The following USH2A variants were observed in gnomAD, a reference collection of about 807,000 sequenced individuals.
USH2A encodes the protein usherin.
USH2A carries 443 observed loss-of-function variants against 538.9 expected under a neutral mutation model. That is an observed-to-expected ratio of 0.82 (90% CI 0.76 to 0.89). The LOEUF (loss-of-function observed/expected upper bound fraction) is 0.89. USH2A is among the 40% of genes least tolerant of loss of function. The probability of loss-of-function intolerance (pLI) is 0.00; values close to 1 mark genes in which losing one functional copy is unlikely to be tolerated. For missense variants in USH2A, 6,633 were observed against 6,324.8 expected, an observed-to-expected ratio of 1.05 and a Z score of -1.65; for synonymous variants, 2,413 against 2,273.5, an observed-to-expected ratio of 1.06 and a Z score of -1.75.
chr1:215,684,865 A>C (rs73097910), intron 61 of USH2A, among the ~76,000 whole-genome samples: 4,646 of 150,882 alleles, frequency 0.031, 241 homozygotes, highest in African/African-American at 0.11. Context: ...AATACCAAGA[A>C]CCAGAGAATA....
intron 30 of USH2A, among the ~76,000 whole-genome samples, chr1:216,062,976 T>G (rs1215245006): frequency 6.6e-6 from 1 of 152,202 alleles, no homozygotes; most frequent in African/African-American, 2.4e-5. Context: ...CTACGCTAAC[T>G]AATAAAGCGA....
intron 43 of USH2A, among the ~76,000 whole-genome samples, chr1:215,875,546 A>C (rs1265124665): frequency 2.0e-5 from 3 of 152,096 alleles, no homozygotes; most frequent in Non-Finnish European, 1.5e-5. Flanking sequence ...TGAACTTCTC[A>C]TTAAGAATCC....
At chr1:215,796,740 G>A (rs1322479436) in intron 50 of USH2A, among the ~76,000 whole-genome samples, 5 of 152,180 alleles carry the variant, frequency 3.3e-5, no homozygotes, top group African/African-American at 1.2e-4. Context: ...GAATGATTAA[G>A]CTTATTGAGG....
chr1:215,774,914 T>C (rs1661417201), intron 55 of USH2A, among the ~76,000 whole-genome samples: 2 of 152,006 alleles, frequency 1.3e-5, no homozygotes, highest in African/African-American at 2.4e-5. Context: ...TTTCTTTTTT[T>C]TTTTTACTTT....
chr1:215,945,814 G>T (rs987974239), intron 37 of USH2A, among the ~76,000 whole-genome samples: 2 of 152,054 alleles, frequency 1.3e-5, no homozygotes, highest in Admixed American at 6.6e-5. Context: ...CAAATATCGA[G>T]ATTGATTGTC....
chr1:216,219,194 C>T (rs560840330), intron 14 of USH2A, among the ~76,000 whole-genome samples: 12 of 152,106 alleles, frequency 7.9e-5, no homozygotes, highest in East Asian at 1.9e-4. Flanking sequence ...AGCCAAAGCA[C>T]GCAATGTTTT....
intron 38 of USH2A, among the ~76,000 whole-genome samples, chr1:215,927,752 C>A (rs1666270039): frequency 6.6e-6 from 1 of 151,680 alleles, no homozygotes; most frequent in African/African-American, 2.4e-5. Flanking sequence ...TGCACATGTA[C>A]CCCTAAACAT....
chr1:216,026,401 T>G (rs959742658), intron 32 of USH2A, among the ~76,000 whole-genome samples: 8 of 152,160 alleles, frequency 5.3e-5, no homozygotes, highest in African/African-American at 1.9e-4. Context: ...TTTGTGCTTA[T>G]GAGCTTTGCA....
At chr1:215,661,936 T>C (rs377472774) in intron 64 of USH2A, among the ~76,000 whole-genome samples, 6 of 152,268 alleles carry the variant, frequency 3.9e-5, no homozygotes, top group East Asian at 1.9e-4. Flanking sequence ...ACATCAACGT[T>C]CCTAGCCATA....
At chr1:215,856,843 GT>G (rs1664184495) in intron 44 of USH2A, among the ~76,000 whole-genome samples, 8 of 116,970 alleles carry the variant, frequency 6.8e-5, no homozygotes, top group Admixed American at 1.6e-4. Context: ...GTGTGTGTGT[GT>G]GTGTGTGTGT....
chr1:216,166,278 G>T (rs2034168349), intron 21 of USH2A, among the ~76,000 whole-genome samples: 1 of 152,060 alleles, frequency 6.6e-6, no homozygotes, highest in African/African-American at 2.4e-5. Context: ...GTATCAATAT[G>T]TTCAAAGAGA....
At position 215,965,114 on chromosome 1, in the gene USH2A, A is replaced by T. The variant is rs1667305468; in HGVS notation, c.7120+203T>A. Among the ~76,000 whole-genome samples, 3 of 152,176 alleles carry T rather than the reference A, an allele frequency of 2.0e-5. No homozygotes were observed. The South Asian group carries it at 6.2e-4, about 32-fold the overall frequency. Reference sequence around the variant, plus strand: ...CTACAACGTACATTTCTAAGCGTTCATCAGATGTGGCTGTTGCTGCTGCTC... The same window carrying T: ...CTACAACGTACATTTCTAAGCGTTCTTCAGATGTGGCTGTTGCTGCTGCTC... On this transcript the variant is annotated intron_variant, in intron 37 of 71. Coordinates refer to ENST00000307340, the MANE Select transcript of USH2A (RefSeq NM_206933.4).
At chr1:216,178,769 G>T (rs2034438848) in intron 20 of USH2A, among the ~76,000 whole-genome samples, 1 of 152,080 alleles carries the variant, frequency 6.6e-6, no homozygotes, top group African/African-American at 2.4e-5. Context: ...GTAACCACTA[G>T]CCTTATAATA....
chr1:215,667,048 G>A (rs556332105), intron 64 of USH2A, among the ~76,000 whole-genome samples: 9 of 152,128 alleles, frequency 5.9e-5, no homozygotes, highest in Admixed American at 1.3e-4. Context: ...CCAAGATTGC[G>A]CCATTGCACT....
rs371869093 is a variant in USH2A at position 215,699,988 on chromosome 1, C to T, written c.12067-19612G>A. Among the ~76,000 whole-genome samples the T allele has an allele frequency of 3.4e-4, 52 of 152,190 alleles. No homozygotes were observed. In the East Asian group the frequency reaches 8.5e-3, roughly 25 times the overall value. ...TATTTTGAGATACATTCCATCAATG[C>T]CTAATTTATTGAGTGGTTTTAGCAT... On this transcript the variant is annotated intron_variant, in intron 61 of 71. Transcript: ENST00000307340.
chr1:216,214,562 T>A (rs1486835080), intron 15 of USH2A, among the ~76,000 whole-genome samples: 1 of 152,062 alleles, frequency 6.6e-6, no homozygotes, highest in Non-Finnish European at 1.5e-5. Context: ...CATGATTGAC[T>A]GGAAATGGGC....
chr1:215,766,687 G>C lies in USH2A; in HGVS notation c.11041C>G (p.Pro3681Ala). The change falls in exon 56 of 72, where the codon CCT (proline) becomes GCT (alanine). Residue 3681 changes from proline to alanine, a missense_variant. Transcript: ENST00000307340. ...PFLGQTLQAA[P>A]EGVWVTPRHI... ...ATGGATATTGTTTCATTACCTTCAG[G>C]AGCTGCCTGCAGTGTCTGACCTAGA... 1 of 1,613,118 alleles carries C rather than the reference G, an allele frequency of 6.2e-7. No individual in the cohort carries two copies. Among genetic ancestry groups the C allele is most frequent in the Non-Finnish European group, 8.5e-7 (1 of 1,179,276 alleles).
chr1:216,348,548 G>T (rs532851881), intron 4 of USH2A, among the ~76,000 whole-genome samples: 2 of 152,200 alleles, frequency 1.3e-5, no homozygotes, highest in South Asian at 4.1e-4. Context: ...TCTTATCTGA[G>T]ATTCCTTTTT....
rs144566289 is a variant in USH2A, at chr1:216,094,374, C to A, written c.4758+2709G>T. Among the ~76,000 whole-genome samples, 199 of 152,296 alleles carry A rather than the reference C, an allele frequency of 1.3e-3. 1 individual carries two copies. Among genetic ancestry groups the A allele is most frequent in the African/African-American group, 4.6e-3 (192 of 41,560 alleles). Reference sequence around the variant, plus strand: ...AATCTATTCCCTTATTCCACCCACACCCCGCCACTAAGCTGGTATCTTCAG... The same window carrying A: ...AATCTATTCCCTTATTCCACCCACAACCCGCCACTAAGCTGGTATCTTCAG... On this transcript the variant is annotated intron_variant, in intron 22 of 71. Transcript: ENST00000307340.
Sources: allele counts gnomAD v4.1 joint callset (sites outside exome capture counted in the v4.1 genomes callset), GRCh38; gene constraint gnomAD v4.1.1; transcripts MANE v1.5; gene names NCBI Gene and HGNC (gene_info 2026-07-23, HGNC 2026-07-21).